MRPS35: variants seen among roughly 807,000 people sequenced by gnomAD.
MRPS35 encodes mitochondrial ribosomal protein S35.
Under a neutral mutation model 32.7 loss-of-function variants are expected in MRPS35, and 29 were observed. The ratio of observed to expected loss-of-function variants is 0.89; its 90% CI spans 0.66 to 1.21. The LOEUF (loss-of-function observed/expected upper bound fraction) is 1.21. Ranked by LOEUF, MRPS35 falls within the 50% of genes most tolerant of loss-of-function variation. The pLI is 0.00. For missense variants in MRPS35, 373 were observed against 383.8 expected (o/e 0.97, Z 0.23); for synonymous variants, 148 against 139.3 (o/e 1.06, Z -0.44).
intron 4 of MRPS35, among the ~76,000 whole-genome samples, chr12:27,721,483 C>A (rs957196037): frequency 1.3e-5 from 2 of 151,984 alleles, no homozygotes; most frequent in African/African-American, 4.8e-5. Flanking sequence ...TGTGGTGAAA[C>A]CCCATCTCTA....
intron 7 of MRPS35, among the ~76,000 whole-genome samples, chr12:27,747,201 T>A (rs572792835): frequency 6.6e-6 from 1 of 152,344 alleles, no homozygotes; most frequent in South Asian, 2.1e-4. Flanking sequence ...TGCGTATAAT[T>A]CTTTTTTCAA....
chr12:27,747,467 A>G (rs1345977552), intron 7 of MRPS35, among the ~76,000 whole-genome samples: 1 of 152,256 alleles, frequency 6.6e-6, no homozygotes. Context: ...ATTCTTTGAC[A>G]TAGTTAAAAA....
At chr12:27,711,352 C>T (rs1159549380) in intron 1 of MRPS35, among the ~76,000 whole-genome samples, 1 of 152,206 alleles carries the variant, frequency 6.6e-6, no homozygotes, top group Non-Finnish European at 1.5e-5. Flanking sequence ...CAAATTGCTG[C>T]TCTGAATTCC....
chr12:27,743,922 T>C (rs1320431002), intron 7 of MRPS35, among the ~76,000 whole-genome samples: 5 of 152,106 alleles, frequency 3.3e-5, no homozygotes, highest in African/African-American at 1.2e-4. Flanking sequence ...ATATTAAGGG[T>C]TGGGATTCCA....
At chr12:27,718,044 A>G (rs1437017193) in intron 3 of MRPS35, among the ~76,000 whole-genome samples, 1 of 152,152 alleles carries the variant, frequency 6.6e-6, no homozygotes, top group Admixed American at 6.5e-5. Context: ...TTTAAAATGT[A>G]TAAAAAGGAA....
chr12:27,718,916 G>A (rs1163386361), intron 3 of MRPS35, among the ~76,000 whole-genome samples: 3 of 151,910 alleles, frequency 2.0e-5, no homozygotes, highest in South Asian at 2.1e-4. Flanking sequence ...GTGAAACCCC[G>A]TCTCTACTAA....
chr12:27,713,403 A>G (rs2061835964), intron 1 of MRPS35, among the ~76,000 whole-genome samples: 1 of 152,182 alleles, frequency 6.6e-6, no homozygotes, highest in African/African-American at 2.4e-5. Flanking sequence ...CTGGAAGCCC[A>G]TGTCAGTCCA....
intron 6 of MRPS35, among the ~76,000 whole-genome samples, chr12:27,735,800 A>G (rs985034997): frequency 6.6e-6 from 1 of 152,190 alleles, no homozygotes; most frequent in Non-Finnish European, 1.5e-5. Flanking sequence ...TAATATTTCC[A>G]TGTATATAAA....
At chr12:27,746,381 TCAAC>T (rs1158434373) in intron 7 of MRPS35, among the ~76,000 whole-genome samples, 2 of 152,196 alleles carry the variant, frequency 1.3e-5, no homozygotes, top group African/African-American at 4.8e-5. Flanking sequence ...TTTGGAATGC[TCAAC>T]CAGTCAGTAT....
rs746650265 is a variant in MRPS35, at chr12:27,724,055, A to T, written c.391A>T (p.Thr131Ser). 6.2e-7 allele frequency: 1 copy of T among 1,601,400 alleles called. No homozygotes were observed. The highest frequency in any genetic ancestry group is 1.4e-5 in the African/African-American group (1 of 73,996). ...KHCEALKDFC[T>S]EWPAALDSDE... ...ATTTCTTTTATTCTCAGATTTTTGC[A>T]CTGAGTGGCCAGCCGCACTGGACAG... is the stretch of plus-strand genomic sequence containing the variant. Residue 131 changes from threonine (T) to serine (S), a missense_variant, in exon 5 of 8, where the codon ACT (threonine) becomes TCT (serine). Coordinates refer to ENST00000081029, the MANE Select transcript of MRPS35 (RefSeq NM_021821.4).
Position 27,727,688 on chromosome 12 carries a change from C to A in MRPS35, c.522+3502C>A, listed in dbSNP as rs1248419050. On this transcript the variant is annotated intron_variant, in intron 5 of 7. Transcript: ENST00000081029. ...AAGAAATCATTGTCTTATTCAAGGTCATAAAAGATTCACTCTTGTGTTTCC... is the reference window on the plus strand; with the variant it reads ...AAGAAATCATTGTCTTATTCAAGGTAATAAAAGATTCACTCTTGTGTTTCC... Among the ~76,000 whole-genome samples the A allele has an allele frequency of 3.3e-5, 5 of 152,226 alleles. No individual in the cohort carries two copies. The East Asian group carries it at 7.7e-4, about 23-fold the overall frequency.
At chr12:27,727,984 G>T (rs1317604293) in intron 5 of MRPS35, among the ~76,000 whole-genome samples, 1 of 151,998 alleles carries the variant, frequency 6.6e-6, no homozygotes, top group Non-Finnish European at 1.5e-5. Context: ...TGTATTTTAA[G>T]AATATGCAGT....
intron 7 of MRPS35, among the ~76,000 whole-genome samples, chr12:27,750,773 C>T (rs1167342353): frequency 2.0e-5 from 3 of 151,984 alleles, no homozygotes; most frequent in African/African-American, 7.2e-5. Flanking sequence ...CCACTGTGCT[C>T]CAGCCTAAGT....
intron 5 of MRPS35, among the ~76,000 whole-genome samples, chr12:27,725,900 G>A (rs1219194699): frequency 6.7e-6 from 1 of 148,694 alleles, no homozygotes; most frequent in African/African-American, 2.5e-5. Context: ...CTTCCATCCG[G>A]GCTCAAGTGA....
At chr12:27,729,062 A>G (rs1259713100) in intron 5 of MRPS35, among the ~76,000 whole-genome samples, 1 of 152,154 alleles carries the variant, frequency 6.6e-6, no homozygotes, top group African/African-American at 2.4e-5. Context: ...TTGAACAAGT[A>G]ATCTGTGGGT....
intron 3 of MRPS35, among the ~76,000 whole-genome samples, chr12:27,719,028 A>C (rs1253300422): frequency 6.6e-6 from 1 of 152,170 alleles, no homozygotes; most frequent in Admixed American, 6.5e-5. Flanking sequence ...CAGAGGTTGC[A>C]GTGAGCTGAG....
chr12:27,711,912 C>T (rs989936682), intron 1 of MRPS35, among the ~76,000 whole-genome samples: 3 of 121,244 alleles, frequency 2.5e-5, no homozygotes, highest in South Asian at 2.7e-4. Flanking sequence ...GAATACTTAA[C>T]TCCTATTGTA....
At chr12:27,734,082 A>G (rs1357544622) in intron 5 of MRPS35, among the ~76,000 whole-genome samples, 1 of 152,210 alleles carries the variant, frequency 6.6e-6, no homozygotes, top group East Asian at 1.9e-4. Flanking sequence ...GTACAGAGTT[A>G]TTGAAGCTAC....
chr12:27,722,099 A>G lies in MRPS35; in HGVS notation c.383-1948A>G, dbSNP rs2061878873. 2.0e-5 allele frequency among the ~76,000 whole-genome samples: 3 copies of G among 152,172 alleles called. No homozygotes were observed. The South Asian group carries it at 6.2e-4, about 32-fold the overall frequency. Reference sequence around the variant, plus strand: ...AGCACATTCGGAAGAGTGGCATTATATTTTATAGTATTTAAATGAGTGTCT... The same window carrying G: ...AGCACATTCGGAAGAGTGGCATTATGTTTTATAGTATTTAAATGAGTGTCT... On this transcript the variant is annotated intron_variant, in intron 4 of 7. Coordinates refer to ENST00000081029, the MANE Select transcript of MRPS35 (RefSeq NM_021821.4).
Sources: allele counts gnomAD v4.1 joint callset (sites outside exome capture counted in the v4.1 genomes callset), GRCh38; gene constraint gnomAD v4.1.1; transcripts MANE v1.5; gene names NCBI Gene and HGNC (gene_info 2026-07-23, HGNC 2026-07-21).